The following ZDHHC21 variants were observed in gnomAD, a reference collection of about 807,000 sequenced individuals.
ZDHHC21 encodes palmitoyltransferase ZDHHC21.
ZDHHC21 carries 15 observed loss-of-function variants against 34.6 expected under a neutral mutation model. The ratio of observed to expected loss-of-function variants is 0.43; its 90% CI spans 0.29 to 0.67. ZDHHC21 has a LOEUF of 0.67. Among genes scored for constraint, ZDHHC21 ranks in the 30% least tolerant of loss-of-function variants. The probability of loss-of-function intolerance (pLI) is 0.14; values close to 1 mark genes in which losing one functional copy is unlikely to be tolerated. For missense variants in ZDHHC21, 344 were observed against 327.7 expected (o/e 1.05, Z -0.38); for synonymous variants, 142 against 101.8 (o/e 1.40, Z -2.38).
At position 14,618,723 on chromosome 9, in the gene ZDHHC21, T is replaced by C; in HGVS notation, c.*243A>G. 1 of 350,290 alleles carries C rather than the reference T, an allele frequency of 2.9e-6. No homozygotes were observed. The highest frequency in any genetic ancestry group is 5.0e-6 in the Non-Finnish European group (1 of 198,288). 21.7% of individuals were successfully genotyped at this position (350,290 alleles called of 1,614,324 possible). On this transcript the variant is annotated 3_prime_UTR_variant, in exon 10 of 10. Coordinates refer to ENST00000380916, the MANE Select transcript of ZDHHC21 (RefSeq NM_178566.6). ...CTTTTGAGTTTAATAACAAAAGCAT[T>C]TCAAGAAATCCCTGTGGAAAGCTAA...
rs1391745235 is a variant in ZDHHC21 at position 14,615,351 on chromosome 9, A to C, written c.*3615T>G. ...AAAATGCCTCTATGCATTGGCAAAA[A>C]CGCACTGATGTTAATCCTGGCAGAT... is the stretch of plus-strand genomic sequence containing the variant. On this transcript the variant is annotated 3_prime_UTR_variant, in exon 10 of 10. Transcript: ENST00000380916. 6.6e-6 allele frequency: 1 copy of C among 151,666 alleles called. No individual in the cohort carries two copies. Among genetic ancestry groups the C allele is most frequent in the African/African-American group, 2.4e-5 (1 of 41,404 alleles). The allele number at this position is 151,666 out of a possible 1,614,324, so 9.4% of individuals were successfully genotyped here.
chr9:14,653,515 G>C (rs1250470993), intron 7 of ZDHHC21, among the ~76,000 whole-genome samples: 3 of 151,780 alleles, frequency 2.0e-5, no homozygotes, highest in Non-Finnish European at 1.5e-5. Flanking sequence ...CTAAAGATTT[G>C]CCCTTAAAAC....
chr9:14,644,816 G>GTA (rs1204383525), intron 7 of ZDHHC21, among the ~76,000 whole-genome samples: 1 of 140,062 alleles, frequency 7.1e-6, no homozygotes, highest in African/African-American at 2.6e-5. Context: ...ACATACATAT[G>GTA]TATACACACA....
At chr9:14,619,192 G>T in intron 9 of ZDHHC21, 94 bp from the exon 10 acceptor site, 2 of 1,320,774 alleles carry the variant, frequency 1.5e-6, no homozygotes, top group South Asian at 3.3e-5. Context: ...TCCATTACTG[G>T]ACTCTGATGA....
chr9:14,637,951 C>A (rs1738126729), intron 8 of ZDHHC21, among the ~76,000 whole-genome samples: 1 of 151,854 alleles, frequency 6.6e-6, no homozygotes, highest in South Asian at 2.1e-4. Flanking sequence ...ACCACACTGC[C>A]CAAAGCAATC....
chr9:14,595,353 T>C, the ZDHHC21 span, among the ~76,000 whole-genome samples: 1 of 152,148 alleles, frequency 6.6e-6, no homozygotes, highest in Non-Finnish European at 1.5e-5. Context: ...TACGGACACA[T>C]GGTACAACAT....
chr9:14,637,916 G>C (rs183993505), intron 8 of ZDHHC21, among the ~76,000 whole-genome samples: 1 of 152,094 alleles, frequency 6.6e-6, no homozygotes, highest in South Asian at 2.1e-4. Flanking sequence ...CCATGATAAT[G>C]GATCAGAAGA....
At chr9:14,655,929 A>C (rs1832124846) in intron 7 of ZDHHC21, among the ~76,000 whole-genome samples, 1 of 151,888 alleles carries the variant, frequency 6.6e-6, no homozygotes, top group Admixed American at 6.6e-5. Flanking sequence ...ATAGGTTGAA[A>C]GTATTAAAGA....
At chr9:14,625,190 GA>G (rs1308979257) in intron 8 of ZDHHC21, among the ~76,000 whole-genome samples, 1 of 152,008 alleles carries the variant, frequency 6.6e-6, no homozygotes, top group Non-Finnish European at 1.5e-5. Flanking sequence ...GACATGAACA[GA>G]AATAGCATGA....
intron 8 of ZDHHC21, among the ~76,000 whole-genome samples, chr9:14,631,685 G>A (rs777874616): frequency 4.6e-5 from 7 of 152,062 alleles, no homozygotes; most frequent in Non-Finnish European, 1.0e-4. Flanking sequence ...TAAATACTTA[G>A]AGGCCACCAT....
rs991959921 is a variant in ZDHHC21, at chr9:14,679,432, C to T, written c.-46+601G>A. On this transcript the variant is annotated intron_variant, in intron 3 of 9. Coordinates refer to ENST00000380916, the MANE Select transcript of ZDHHC21 (RefSeq NM_178566.6). Reference sequence around the variant, plus strand: ...GCAACTTATAGAATAGTTTATATAACATTTTTGTTAGAAAAAATATGCAGG... The same window carrying T: ...GCAACTTATAGAATAGTTTATATAATATTTTTGTTAGAAAAAATATGCAGG... Among the ~76,000 whole-genome samples the T allele has an allele frequency of 3.3e-5, 5 of 152,098 alleles. No individual in the cohort carries two copies. In the East Asian group the frequency reaches 7.7e-4, roughly 23 times the overall value.
intron 7 of ZDHHC21, among the ~76,000 whole-genome samples, chr9:14,653,999 G>C (rs1196468719): frequency 6.6e-6 from 1 of 151,984 alleles, no homozygotes; most frequent in Non-Finnish European, 1.5e-5. Flanking sequence ...AGGCGTTAAG[G>C]TGAGCCATAT....
At chr9:14,650,724 T>G (rs1831103240) in intron 7 of ZDHHC21, among the ~76,000 whole-genome samples, 1 of 151,928 alleles carries the variant, frequency 6.6e-6, no homozygotes, top group Non-Finnish European at 1.5e-5. Context: ...TGACATCAAA[T>G]CCCTAGCAAC....
In ZDHHC21 at chr9:14,664,815, C is replaced by T. The variant is rs994791978; in HGVS notation, c.254-2489G>A. Among the ~76,000 whole-genome samples, 10 of 151,178 alleles carry T rather than the reference C, an allele frequency of 6.6e-5. No homozygotes were observed. In the East Asian group the frequency reaches 9.8e-4, roughly 15 times the overall value. ...GTCTGTTAGAAGGAAAACTAACAAA[C>T]AGAAAGGACATCCACACCGAAAACC... On this transcript the variant is annotated intron_variant, in intron 5 of 9. Coordinates refer to ENST00000380916, the MANE Select transcript of ZDHHC21 (RefSeq NM_178566.6).
intron 7 of ZDHHC21, among the ~76,000 whole-genome samples, chr9:14,643,687 G>A (rs1367154209): frequency 6.6e-6 from 1 of 152,036 alleles, no homozygotes; most frequent in African/African-American, 2.4e-5. Flanking sequence ...AATTCACATA[G>A]AATTATTATT....
At chr9:14,590,340 G>C in the ZDHHC21 span, among the ~76,000 whole-genome samples, 2 of 151,998 alleles carry the variant, frequency 1.3e-5, no homozygotes, top group Non-Finnish European at 2.9e-5. Flanking sequence ...TAGGAGTAAG[G>C]AATTGGACAA....
intron 8 of ZDHHC21, chr9:14,622,582 A>G: frequency 1.0e-6 from 1 of 985,270 alleles, no homozygotes; most frequent in Non-Finnish European, 1.2e-6. Context: ...TTGATGATAC[A>G]ATCCATCCAA....
At chr9:14,680,350 T>C (rs548556561) in intron 2 of ZDHHC21, among the ~76,000 whole-genome samples, 188 bp from the exon 3 acceptor site, 1 of 152,270 alleles carries the variant, frequency 6.6e-6, no homozygotes, top group African/African-American at 2.4e-5. Flanking sequence ...TTGATTACAA[T>C]TATATCTGAG....
At chr9:14,663,233 C>A (rs1201749279) in intron 5 of ZDHHC21, among the ~76,000 whole-genome samples, 7 of 152,056 alleles carry the variant, frequency 4.6e-5, no homozygotes, top group African/African-American at 1.7e-4. Context: ...TTTTCTTTTA[C>A]AAAATTCTTT....
Sources: gnomAD v4.1 joint callset for allele counts (sites outside exome capture counted in the v4.1 genomes callset) on GRCh38, gnomAD v4.1.1 for gene constraint, MANE v1.5 for transcripts, NCBI Gene and HGNC (gene_info 2026-07-23, HGNC 2026-07-21) for gene names.